MECOM: variants seen among roughly 807,000 people sequenced by gnomAD.
MECOM encodes MDS1 and EVI1 complex locus, also known as histone-lysine N-methyltransferase MECOM.
Under a neutral mutation model 116.3 loss-of-function variants are expected in MECOM, and 13 were observed. The observed-to-expected ratio is 0.11, with a 90% CI of 0.07 to 0.18. The LOEUF is 0.18. MECOM is among the 10% of genes least tolerant of loss of function. MECOM has a pLI of 1.00. For synonymous variants in MECOM, 528 were observed against 535.2 expected (o/e 0.99, Z 0.19); for missense variants, 1,299 against 1,509.0 (o/e 0.86, Z 2.31).
intron 1 of MECOM, among the ~76,000 whole-genome samples, chr3:169,620,926 C>T (rs924140453): frequency 1.3e-5 from 2 of 152,030 alleles, no homozygotes; most frequent in African/African-American, 4.8e-5. Flanking sequence ...GAAATATTGC[C>T]TGATATAGGA....
chr3:169,617,855 G>A (rs1480048514), intron 1 of MECOM, among the ~76,000 whole-genome samples: 1 of 152,168 alleles, frequency 6.6e-6, no homozygotes, highest in Non-Finnish European at 1.5e-5. Flanking sequence ...GAGAGTTTCA[G>A]GCCCTGAACT....
intron 1 of MECOM, among the ~76,000 whole-genome samples, chr3:169,660,394 T>G (rs1190242352): frequency 1.3e-5 from 2 of 152,150 alleles, no homozygotes; most frequent in African/African-American, 4.8e-5. Context: ...AATACAAGCC[T>G]TACAAGTTGC....
At chr3:169,510,669 T>C (rs899562983) in intron 1 of MECOM, among the ~76,000 whole-genome samples, 8 of 152,172 alleles carry the variant, frequency 5.3e-5, no homozygotes, top group Non-Finnish European at 7.3e-5. Flanking sequence ...CGCAAGGATG[T>C]TATCTGTCTA....
At chr3:169,091,416 T>C (rs28542627) in intron 14 of MECOM, among the ~76,000 whole-genome samples, 4,266 of 152,212 alleles carry the variant, frequency 0.028, 206 homozygotes, top group African/African-American at 0.098. Context: ...AGCCAGATGT[T>C]GCAACTATAC....
rs903924817 is a variant in MECOM, at chr3:169,649,863, C to T, written c.37+13473G>A. ...TTCCTTGAATGGTACCTTTTCAAAT[C>T]CAATCTAAAATGTCCAATATGTTTG... is the stretch of plus-strand genomic sequence containing the variant. On this transcript the variant is annotated intron_variant, in intron 1 of 16. Transcript: ENST00000651503. 2.6e-5 allele frequency among the ~76,000 whole-genome samples: 4 copies of T among 152,270 alleles called. No homozygotes were observed. The East Asian group carries it at 7.7e-4, about 29-fold the overall frequency.
intron 1 of MECOM, among the ~76,000 whole-genome samples, chr3:169,391,995 T>C (rs1338020289): frequency 6.6e-6 from 1 of 152,208 alleles, no homozygotes; most frequent in Non-Finnish European, 1.5e-5. Flanking sequence ...GAGAGAATTA[T>C]AAATGTTTGC....
chr3:169,162,602 C>T (rs967171454), intron 2 of MECOM, among the ~76,000 whole-genome samples: 8 of 152,112 alleles, frequency 5.3e-5, no homozygotes, highest in Non-Finnish European at 8.8e-5. Flanking sequence ...CATTTAACTG[C>T]TTTGCAAAAA....
At chr3:169,095,632 A>C (rs940583884) in intron 12 of MECOM, among the ~76,000 whole-genome samples, 7 of 152,196 alleles carry the variant, frequency 4.6e-5, no homozygotes, top group African/African-American at 1.4e-4. Flanking sequence ...CAAATACAAT[A>C]AAATATCACT....
chr3:169,659,237 G>T (rs938143847), intron 1 of MECOM, among the ~76,000 whole-genome samples: 1 of 151,966 alleles, frequency 6.6e-6, no homozygotes, highest in Non-Finnish European at 1.5e-5. Context: ...TGGGCTAGCC[G>T]GCAAAAGTCA....
At chr3:169,226,370 G>A (rs1009137544) in intron 2 of MECOM, among the ~76,000 whole-genome samples, 3 of 152,146 alleles carry the variant, frequency 2.0e-5, no homozygotes, top group African/African-American at 7.2e-5. Flanking sequence ...TTATAGAGAT[G>A]AATAAAGGAA....
At chr3:169,219,894 C>T (rs752280212) in intron 2 of MECOM, among the ~76,000 whole-genome samples, 11 of 148,384 alleles carry the variant, frequency 7.4e-5, no homozygotes, top group Non-Finnish European at 1.5e-4. Flanking sequence ...ACCTAGGAAC[C>T]ATCTCATTAA....
chr3:169,472,503 GAAAGGAAAGGAAAGGAAAGAAAAGA>G, intron 1 of MECOM, among the ~76,000 whole-genome samples: 1 of 82,876 alleles, frequency 1.2e-5, no homozygotes. Context: ...GAAAGGAAAG[GAAAGGAAAGGAAAGGAAAGAAAAGA>G]AAAGAAAAGG....
chr3:169,428,522 AATAACAGGCCG>A (rs1741094327), intron 1 of MECOM, among the ~76,000 whole-genome samples: 1 of 152,206 alleles, frequency 6.6e-6, no homozygotes, highest in Non-Finnish European at 1.5e-5. Flanking sequence ...TAACAGGCCT[AATAACAGGCCG>A]TGGACCGGTA....
intron 7 of MECOM, among the ~76,000 whole-genome samples, chr3:169,118,393 C>T (rs535996827): frequency 9.9e-5 from 15 of 152,092 alleles, no homozygotes; most frequent in African/African-American, 3.1e-4. Flanking sequence ...CAGAATATAT[C>T]GACCAGAGTC....
chr3:169,128,502 T>A (rs1278358568), intron 4 of MECOM, among the ~76,000 whole-genome samples: 2 of 152,206 alleles, frequency 1.3e-5, no homozygotes, highest in East Asian at 3.9e-4. Context: ...AGTATAGAGC[T>A]ATGTGGCTGT....
chr3:169,572,141 C>A (rs1362955408), intron 1 of MECOM, among the ~76,000 whole-genome samples: 2 of 152,136 alleles, frequency 1.3e-5, no homozygotes, highest in Non-Finnish European at 2.9e-5. Flanking sequence ...AACAAATTTA[C>A]AAGAAACTAT....
Position 169,122,745 on chromosome 3 carries a change from G to C in MECOM, c.831-18C>G, listed in dbSNP as rs757277783. ...TCTCCAGGCTGTTAAGAGAACAATA[G>C]ATTTTAAAAGACAAAGGATGCATTC... On this transcript the variant is annotated intron_variant, in intron 5 of 16. Coordinates refer to ENST00000651503, the MANE Select transcript of MECOM (RefSeq NM_004991.4). 6.2e-7 allele frequency: 1 copy of C among 1,610,010 alleles called. No individual in the cohort carries two copies. The highest frequency in any genetic ancestry group is 2.2e-5 in the East Asian group (1 of 44,764).
At chr3:169,290,338 T>C (rs1191712403) in intron 2 of MECOM, among the ~76,000 whole-genome samples, 1 of 152,188 alleles carries the variant, frequency 6.6e-6, no homozygotes, top group Non-Finnish European at 1.5e-5. Flanking sequence ...TTTTAAAAAG[T>C]CAACATTATT....
chr3:169,640,790 C>T (rs1773373888), intron 1 of MECOM, among the ~76,000 whole-genome samples: 1 of 152,190 alleles, frequency 6.6e-6, no homozygotes, highest in Non-Finnish European at 1.5e-5. Context: ...GCCCCTAAAT[C>T]CTATGCCTCC....
Sources: allele counts gnomAD v4.1 joint callset (sites outside exome capture counted in the v4.1 genomes callset), GRCh38; gene constraint gnomAD v4.1.1; transcripts MANE v1.5; gene names NCBI Gene and HGNC (gene_info 2026-07-23, HGNC 2026-07-21).